The following KDM4C variants were observed in gnomAD, a reference collection of about 807,000 sequenced individuals.
KDM4C encodes the protein lysine-specific demethylase 4C.
A neutral mutation model predicts 129.3 loss-of-function variants in KDM4C; 81 were observed. The ratio of observed to expected loss-of-function variants is 0.63; its 90% CI spans 0.52 to 0.75. The LOEUF is 0.75. Among genes scored for constraint, KDM4C ranks in the 30% least tolerant of loss-of-function variants. The pLI is 0.00. For synonymous variants in KDM4C, 573 were observed against 456.1 expected, an observed-to-expected ratio of 1.26 and a Z score of -3.26; for missense variants, 1,457 against 1,304.0, an observed-to-expected ratio of 1.12 and a Z score of -1.81.
chr9:6,765,682 C>G (rs749311172), intron 1 of KDM4C, among the ~76,000 whole-genome samples: 1 of 152,104 alleles, frequency 6.6e-6, no homozygotes. Flanking sequence ...AACCAGGACA[C>G]GCATTGGGAA....
intron 12 of KDM4C, among the ~76,000 whole-genome samples, chr9:7,008,248 G>A (rs1472863428): frequency 1.3e-5 from 2 of 152,080 alleles, no homozygotes; most frequent in African/African-American, 2.4e-5. Flanking sequence ...CAGTCCCACC[G>A]CCCTGGATTC....
chr9:6,750,243 AGC>A (rs1818024170), intron 1 of KDM4C, among the ~76,000 whole-genome samples: 1 of 151,988 alleles, frequency 6.6e-6, no homozygotes, highest in African/African-American at 2.4e-5. Flanking sequence ...GTTCGAGACC[AGC>A]CTGACCAATA....
intron 1 of KDM4C, among the ~76,000 whole-genome samples, chr9:6,783,287 A>G (rs1028275197): frequency 6.6e-6 from 1 of 152,226 alleles, no homozygotes; most frequent in Non-Finnish European, 1.5e-5. Context: ...CAAAGAGGCA[A>G]GCTAAACTGT....
At position 6,901,557 on chromosome 9, in the gene KDM4C, C is replaced by T. The variant is rs1267109634; in HGVS notation, c.921+8325C>T. ...AGCGAGACAGTGTGAGAACTAGGCT[C>T]ATCTACCCCCATTTGCGAGGAAAAT... is the stretch of plus-strand genomic sequence containing the variant. On this transcript the variant is annotated intron_variant, in intron 8 of 21. Coordinates refer to ENST00000381309, the MANE Select transcript of KDM4C (RefSeq NM_015061.6). 4.6e-5 allele frequency among the ~76,000 whole-genome samples: 7 copies of T among 152,188 alleles called. No individual in the cohort carries two copies. In the East Asian group the frequency reaches 1.3e-3, roughly 29 times the overall value.
At chr9:6,919,116 G>T (rs567172477) in intron 8 of KDM4C, among the ~76,000 whole-genome samples, 1 of 152,244 alleles carries the variant, frequency 6.6e-6, no homozygotes, top group African/African-American at 2.4e-5. Context: ...CTCCCAAAGT[G>T]CTGGGATTAC....
At chr9:6,992,724 T>A (rs527684390) in intron 12 of KDM4C, among the ~76,000 whole-genome samples, 103 of 152,348 alleles carry the variant, frequency 6.8e-4, no homozygotes, top group African/African-American at 2.4e-3. Context: ...AGCATACAAT[T>A]CCAAATCCAA....
intron 15 of KDM4C, among the ~76,000 whole-genome samples, chr9:7,043,971 T>C (rs997458423): frequency 1.3e-5 from 2 of 152,106 alleles, no homozygotes; most frequent in African/African-American, 2.4e-5. Context: ...AACAAACTCA[T>C]ATTAAGGGTA....
intron 18 of KDM4C, among the ~76,000 whole-genome samples, chr9:7,107,705 C>T (rs549833370): frequency 1.3e-5 from 2 of 152,256 alleles, no homozygotes; most frequent in Admixed American, 6.5e-5. Flanking sequence ...CCTTAGAAGT[C>T]GTGGCTGTTA....
intron 18 of KDM4C, among the ~76,000 whole-genome samples, chr9:7,115,441 C>T (rs569293924): frequency 1.3e-5 from 2 of 152,178 alleles, no homozygotes; most frequent in South Asian, 2.1e-4. Context: ...ATCATAGATA[C>T]AGTAGAAAAA....
chr9:6,789,051 T>G (rs972209845), intron 1 of KDM4C, among the ~76,000 whole-genome samples: 2 of 151,572 alleles, frequency 1.3e-5, no homozygotes, highest in African/African-American at 2.4e-5. Flanking sequence ...TTTTTGTTTT[T>G]TTTTTTTTTT....
chr9:7,169,649 A>G (rs926048868), intron 20 of KDM4C, 149 bp from the exon 21 acceptor site: 3 of 633,688 alleles, frequency 4.7e-6, no homozygotes, highest in Admixed American at 6.6e-5. Context: ...AATAAGGGAA[A>G]TAACTCTTCT....
At chr9:6,729,203 CCAAAAA>C (rs1817244590) in intron 1 of KDM4C, among the ~76,000 whole-genome samples, 1 of 12,680 alleles carries the variant, frequency 7.9e-5, no homozygotes, top group African/African-American at 1.1e-3. Flanking sequence ...AGCTCCGTCT[CCAAAAA>C]AAAAAAAAAA....
chr9:6,871,825 T>G (rs1414598154), intron 5 of KDM4C, among the ~76,000 whole-genome samples: 2 of 152,194 alleles, frequency 1.3e-5, no homozygotes, highest in Non-Finnish European at 2.9e-5. Flanking sequence ...GGTGGTAGGC[T>G]TTTTCTACCT....
chr9:7,159,052 A>G (rs1450290464), intron 19 of KDM4C, among the ~76,000 whole-genome samples: 1 of 152,100 alleles, frequency 6.6e-6, no homozygotes, highest in Non-Finnish European at 1.5e-5. Context: ...TATTTAGGAG[A>G]GTTAGCTCTT....
intron 1 of KDM4C, among the ~76,000 whole-genome samples, chr9:6,722,694 G>C (rs1236398752): frequency 6.6e-6 from 1 of 151,946 alleles, no homozygotes; most frequent in Non-Finnish European, 1.5e-5. Context: ...TGTATTTTTA[G>C]TAGAGATGGG....
chr9:7,127,309 G>T (rs1365863174), intron 18 of KDM4C, among the ~76,000 whole-genome samples: 1 of 152,132 alleles, frequency 6.6e-6, no homozygotes, highest in African/African-American at 2.4e-5. Flanking sequence ...TAATTAAGTG[G>T]AGAAATTGAA....
At chr9:6,957,130 G>A (rs1829205321) in intron 8 of KDM4C, among the ~76,000 whole-genome samples, 1 of 152,146 alleles carries the variant, frequency 6.6e-6, no homozygotes, top group South Asian at 2.1e-4. Flanking sequence ...TTATCTAGAG[G>A]TAGAAAATAA....
intron 8 of KDM4C, among the ~76,000 whole-genome samples, chr9:6,931,897 T>C (rs895854092): frequency 2.0e-5 from 3 of 152,216 alleles, no homozygotes; most frequent in African/African-American, 7.2e-5. Context: ...GAATTGTAAT[T>C]AATTGTCTAA....
chr9:7,063,080 GGAAAT>G (rs1156704827), intron 17 of KDM4C, among the ~76,000 whole-genome samples: 2 of 151,948 alleles, frequency 1.3e-5, no homozygotes, highest in Non-Finnish European at 2.9e-5. Flanking sequence ...AAATAATTAT[GGAAAT>G]GAAATAGCAT....
Sources: gnomAD v4.1 joint callset for allele counts (sites outside exome capture counted in the v4.1 genomes callset) on GRCh38, gnomAD v4.1.1 for gene constraint, MANE v1.5 for transcripts, NCBI Gene and HGNC (gene_info 2026-07-23, HGNC 2026-07-21) for gene names.